LAMP3: variants seen among roughly 807,000 people sequenced by gnomAD.
The protein encoded by LAMP3 is lysosome associated membrane protein 3.
In LAMP3, 26 loss-of-function variants were observed where a neutral mutation model predicts 34.8. That is an observed-to-expected ratio of 0.75 (90% CI 0.55 to 1.04). LAMP3 has a LOEUF of 1.04. Ranked by LOEUF, LAMP3 falls within the 50% of genes least tolerant of loss-of-function variation. The probability of loss-of-function intolerance (pLI) is 0.00; values close to 1 mark genes in which losing one functional copy is unlikely to be tolerated. For synonymous variants in LAMP3, 180 were observed against 201.9 expected, an observed-to-expected ratio of 0.89 and a Z score of 0.92; for missense variants, 495 against 524.0, an observed-to-expected ratio of 0.94 and a Z score of 0.54.
chr3:183,151,424 C>CTTTTTTT (rs1303908629), intron 3 of LAMP3, among the ~76,000 whole-genome samples: 1 of 130,040 alleles, frequency 7.7e-6, no homozygotes, highest in African/African-American at 2.9e-5. Flanking sequence ...GGGGCATGCT[C>CTTTTTTT]TTTTTTTTTT....
At chr3:183,128,419 G>A (rs1719835502) in intron 5 of LAMP3, among the ~76,000 whole-genome samples, 1 of 152,066 alleles carries the variant, frequency 6.6e-6, no homozygotes, top group Non-Finnish European at 1.5e-5. Context: ...AACATACATA[G>A]CATCCTCATT....
rs1490435518 is a variant in LAMP3, at chr3:183,124,103, G to T, written c.1229C>A (p.Ser410Ter). 1 of 1,614,106 alleles carries T rather than the reference G, an allele frequency of 6.2e-7. No individual in the cohort carries two copies. Among genetic ancestry groups the T allele is most frequent in the Admixed American group, 1.7e-5 (1 of 60,008 alleles). Reference sequence around the variant, plus strand: ...CAATTAGATTCTCTGGTATCCAGATGATTGACACCTTAGGCGGATTTTATA... The same window carrying T: ...CAATTAGATTCTCTGGTATCCAGATTATTGACACCTTAGGCGGATTTTATA... Reference protein sequence around the residue: ...GVYKIRLRCQSSGYQRI With the variant: ...GVYKIRLRCQ Residue 410 changes from serine (S) to a stop codon, truncating the protein, a stop_gained, in exon 6 of 6, where the codon TCA (serine) becomes TAA (stop). Transcript: ENST00000265598. LOFTEE classifies it high-confidence loss of function.
intron 4 of LAMP3, among the ~76,000 whole-genome samples, chr3:183,140,250 T>C (rs112579279): frequency 0.032 from 4,816 of 151,452 alleles, 243 homozygotes; most frequent in African/African-American, 0.11. Flanking sequence ...CTACTAAAAA[T>C]ACAAAAATTA....
intron 5 of LAMP3, chr3:183,133,052 C>CAG: frequency 1.9e-6 from 1 of 523,282 alleles, no homozygotes; most frequent in Non-Finnish European, 2.5e-6. Context: ...GAAAAGAAGA[C>CAG]AGAGGGGAAG....
At chr3:183,137,587 T>C (rs1334068229) in intron 4 of LAMP3, among the ~76,000 whole-genome samples, 3 of 152,166 alleles carry the variant, frequency 2.0e-5, no homozygotes. Context: ...CTGTGTACAC[T>C]GCCGGGTCAC....
Position 183,153,962 on chromosome 3 carries a change from GT to G in LAMP3, c.478del (p.Thr160LeufsTer15). 6.2e-7 allele frequency: 1 copy of G among 1,614,210 alleles called. No homozygotes were observed. Among genetic ancestry groups the G allele is most frequent in the Non-Finnish European group, 8.5e-7 (1 of 1,180,046 alleles). On this transcript the variant is annotated frameshift_variant, in exon 2 of 6. Coordinates refer to ENST00000265598, the MANE Select transcript of LAMP3 (RefSeq NM_014398.4). LOFTEE classifies it high-confidence loss of function. Reference sequence around the variant, plus strand: ...AAGGGTGGTCTGGTTACTGGGTTGAGTGGTGTTCCCAGTTGTGTGGCTGACG... The same window carrying G: ...AAGGGTGGTCTGGTTACTGGGTTGAGGGTGTTCCCAGTTGTGTGGCTGACG... ...STVSHTTGNT[T>X]QPSNQTTLPA...
At chr3:183,162,492 C>G in intron 1 of LAMP3, 115 bp downstream of exon 1, 1 of 1,051,080 alleles carries the variant, frequency 9.5e-7, no homozygotes, top group Admixed American at 2.0e-5. Flanking sequence ...CCCTTGGACG[C>G]GCCACACCTC....
At chr3:183,138,368 A>C (rs1159988147) in intron 4 of LAMP3, among the ~76,000 whole-genome samples, 1 of 152,228 alleles carries the variant, frequency 6.6e-6, no homozygotes, top group Non-Finnish European at 1.5e-5. Flanking sequence ...TTTTAAGTAG[A>C]CATTACTCCA....
chr3:183,154,523 A>G, intron 1 of LAMP3, 132 bp from the exon 2 acceptor site: 1 of 679,812 alleles, frequency 1.5e-6, no homozygotes. Flanking sequence ...GGAAATTTGC[A>G]AGGGTACAAC....
Position 183,152,385 on chromosome 3 carries a change from G to GT in LAMP3, c.877dup (p.Thr293AsnfsTer6), listed in dbSNP as rs759833488. 2 of 1,610,818 alleles carry GT rather than the reference G, an allele frequency of 1.2e-6. No homozygotes were observed. Among genetic ancestry groups the GT allele is most frequent in the Admixed American group, 3.4e-5 (2 of 59,332 alleles). On this transcript the variant is annotated frameshift_variant, in exon 3 of 6. Coordinates refer to ENST00000265598, the MANE Select transcript of LAMP3 (RefSeq NM_014398.4). LOFTEE classifies it high-confidence loss of function. ...GAGCTCAGGCCTCACCTTGGTAAAT[G>GT]TGAGATTCACAAATCCGCCCTGAAA...
At chr3:183,149,702 T>A (rs1720571837) in intron 3 of LAMP3, among the ~76,000 whole-genome samples, 3 of 150,946 alleles carry the variant, frequency 2.0e-5, no homozygotes, top group Admixed American at 1.3e-4. Context: ...TTGTACATTT[T>A]AAAATAACTG....
intron 3 of LAMP3, among the ~76,000 whole-genome samples, chr3:183,141,238 C>G (rs1431033243): frequency 6.6e-6 from 1 of 152,150 alleles, no homozygotes; most frequent in Non-Finnish European, 1.5e-5. Context: ...ATGCCTTACC[C>G]TGAGATCCCT....
intron 5 of LAMP3, among the ~76,000 whole-genome samples, chr3:183,125,914 A>C (rs1719767959): frequency 6.6e-6 from 1 of 152,084 alleles, no homozygotes; most frequent in Admixed American, 6.6e-5. Context: ...GGCTGAAGCA[A>C]TCCTTGACTT....
intron 4 of LAMP3, among the ~76,000 whole-genome samples, chr3:183,137,957 T>A (rs965707789): frequency 6.6e-6 from 1 of 151,882 alleles, no homozygotes; most frequent in Non-Finnish European, 1.5e-5. Context: ...GTAGCTGGAA[T>A]TATAGGTGCC....
At chr3:183,125,935 T>C (rs1229316373) in intron 5 of LAMP3, among the ~76,000 whole-genome samples, 1 of 152,188 alleles carries the variant, frequency 6.6e-6, no homozygotes, top group Non-Finnish European at 1.5e-5. Context: ...CCCAAAGTGC[T>C]GGGATTACAG....
rs888542951 is a variant in LAMP3 at position 183,162,708 on chromosome 3, G to A, written c.-53C>T. 4 of 1,462,066 alleles carry A rather than the reference G, an allele frequency of 2.7e-6. No individual in the cohort carries two copies. Among genetic ancestry groups the A allele is most frequent in the Middle Eastern group, 3.6e-4 (2 of 5,596 alleles). 90.6% of individuals were successfully genotyped at this position (1,462,066 alleles called of 1,614,324 possible). A position where few individuals can be genotyped will look rare whatever the true frequency, so the allele number is the denominator to read the frequency against. On this transcript the variant is annotated 5_prime_UTR_variant, in exon 1 of 6. Transcript: ENST00000265598. ...GTGCGGCGAAGTCCGGGCAGGCCCC[G>A]AATCGGTGCCAGAGAAACCTACCTG... is the stretch of plus-strand genomic sequence containing the variant.
intron 4 of LAMP3, among the ~76,000 whole-genome samples, chr3:183,136,598 C>A (rs1720097246): frequency 7.0e-6 from 1 of 143,622 alleles, no homozygotes. Flanking sequence ...TTGTGTTGAG[C>A]CGAGATTGTG....
chr3:183,155,018 G>A (rs186886029), intron 1 of LAMP3, among the ~76,000 whole-genome samples: 7 of 152,208 alleles, frequency 4.6e-5, no homozygotes, highest in East Asian at 3.9e-4. Context: ...GGGTTCAAGC[G>A]ATTCTCCAGC....
In LAMP3 at chr3:183,126,717, A is replaced by G. The variant is rs151030489; in HGVS notation, c.1118-2503T>C. On this transcript the variant is annotated intron_variant, in intron 5 of 5. Transcript: ENST00000265598. ...TTACCCCAAGACCATCCACCAAGAAATGTCATTGCTAATATGGAGAAACAT... is the reference window on the plus strand; with the variant it reads ...TTACCCCAAGACCATCCACCAAGAAGTGTCATTGCTAATATGGAGAAACAT... Among the ~76,000 whole-genome samples, 587 of 152,324 alleles carry G rather than the reference A, an allele frequency of 3.9e-3. 7 individuals carry two copies. The highest frequency in any genetic ancestry group is 0.014 in the African/African-American group (576 of 41,570).
Sources: gnomAD v4.1 joint callset for allele counts (sites outside exome capture counted in the v4.1 genomes callset) on GRCh38, gnomAD v4.1.1 for gene constraint, MANE v1.5 for transcripts, NCBI Gene and HGNC (gene_info 2026-07-23, HGNC 2026-07-21) for gene names.